The following MUC7 variants were observed in gnomAD, a reference collection of about 807,000 sequenced individuals.
MUC7 encodes mucin 7, secreted.
In MUC7, 2 loss-of-function variants were observed where a neutral mutation model predicts 2.5. That is an observed-to-expected ratio of 0.81 (90% CI 0.33 to 2.55). The LOEUF is 2.55. Ranked by LOEUF, MUC7 falls within the 30% of genes most tolerant of loss-of-function variation. MUC7 has a pLI of 0.11. For missense variants in MUC7, 408 were observed against 455.6 expected, an observed-to-expected ratio of 0.90 and a Z score of 0.95; for synonymous variants, 133 against 173.4, an observed-to-expected ratio of 0.77 and a Z score of 1.83.
chr4:70,446,762 G>A (rs1734151195), intron 1 of MUC7, among the ~76,000 whole-genome samples: 1 of 152,128 alleles, frequency 6.6e-6, no homozygotes, highest in African/African-American at 2.4e-5. Flanking sequence ...CCAAATAACA[G>A]TTACTGCTGA....
intron 1 of MUC7, among the ~76,000 whole-genome samples, chr4:70,465,154 G>T (rs1454756403): frequency 6.6e-6 from 1 of 152,236 alleles, no homozygotes; most frequent in African/African-American, 2.4e-5. Context: ...CTAGGGCAGA[G>T]GGGCCTGACT....
Position 70,480,912 on chromosome 4 carries a change from G to A in MUC7, c.168G>A (p.Lys56=), listed in dbSNP as rs201063415. ...PHYPGLLAHQ[K]PFIRKSYKCL... is the part of the protein sequence containing the mutation. ...ATCCTGGACTGCTAGCTCACCAGAA[G>A]CCGTTCATTAGAAAGTCCTATAAAT... Residue 56 remains lysine, a synonymous_variant, in exon 3 of 3, where the codon AAG becomes AAA. Coordinates refer to ENST00000304887, the MANE Select transcript of MUC7 (RefSeq NM_152291.3). 1.2e-6 allele frequency: 2 copies of A among 1,614,150 alleles called. No individual in the cohort carries two copies. Among genetic ancestry groups the A allele is most frequent in the East Asian group, 4.5e-5 (2 of 44,854 alleles).
At chr4:70,467,541 G>T (rs569834052), upstream of MUC7, among the ~76,000 whole-genome samples, 18 of 151,754 alleles carry the variant, frequency 1.2e-4, no homozygotes, top group East Asian at 3.5e-3. Flanking sequence ...AAAGAGAGAA[G>T]AATCAAATAG....
chr4:70,451,965 T>A (rs1189398950), intron 1 of MUC7, among the ~76,000 whole-genome samples: 1 of 152,240 alleles, frequency 6.6e-6, no homozygotes, highest in African/African-American at 2.4e-5. Flanking sequence ...CATGTATATT[T>A]ACAATTGCTA....
At chr4:70,454,446 G>A (rs1441462482) in intron 1 of MUC7, among the ~76,000 whole-genome samples, 4 of 152,172 alleles carry the variant, frequency 2.6e-5, no homozygotes. Flanking sequence ...TGAGTCCAAT[G>A]AACAGTCCCA....
intron 1 of MUC7, among the ~76,000 whole-genome samples, chr4:70,453,214 G>A (rs1203279649): frequency 2.6e-5 from 4 of 152,178 alleles, no homozygotes; most frequent in Non-Finnish European, 5.9e-5. Context: ...TTCCTTTCAG[G>A]ACAGCCAGTT....
In MUC7 at chr4:70,481,963, C is replaced by A. The variant is rs1735212120; in HGVS notation, c.*85C>A. 1 of 1,430,644 alleles carries A rather than the reference C, an allele frequency of 7.0e-7. No homozygotes were observed. Among genetic ancestry groups the A allele is most frequent in the Non-Finnish European group, 9.5e-7 (1 of 1,057,504 alleles). 88.6% of individuals were successfully genotyped at this position (1,430,644 alleles called of 1,614,324 possible). On this transcript the variant is annotated 3_prime_UTR_variant, in exon 3 of 3. Transcript: ENST00000304887. ...TACCACCTTTCTTTTAGCACCAATC[C>A]CAACATGAAATTATATTACTCAGAT...
chr4:70,467,100 G>A (rs1177170267), intron 1 of MUC7, among the ~76,000 whole-genome samples: 1 of 152,298 alleles, frequency 6.6e-6, no homozygotes, highest in African/African-American at 2.4e-5. Flanking sequence ...TCAGGATTAA[G>A]AAACTCACTC....
At position 70,482,068 on chromosome 4, in the gene MUC7, A is replaced by C; in HGVS notation, c.*190A>C. ...TAACAAGACAAAATGCCTCTATCCC[A>C]CAAGCCAGATGCAGGTCTGGGGTTC... is the stretch of plus-strand genomic sequence containing the variant. On this transcript the variant is annotated 3_prime_UTR_variant, in exon 3 of 3. Coordinates refer to ENST00000304887, the MANE Select transcript of MUC7 (RefSeq NM_152291.3). 1.4e-6 allele frequency: 1 copy of C among 703,484 alleles called. No homozygotes were observed. Among genetic ancestry groups the C allele is most frequent in the Non-Finnish European group, 2.3e-6 (1 of 440,480 alleles). 43.6% of individuals were successfully genotyped at this position (703,484 alleles called of 1,614,324 possible).
intron 1 of MUC7, among the ~76,000 whole-genome samples, chr4:70,442,362 AG>A (rs550989528): frequency 8.5e-4 from 129 of 152,316 alleles, no homozygotes; most frequent in African/African-American, 3.0e-3. Flanking sequence ...AAGGTGGCAG[AG>A]TAATAATGAG....
chr4:70,458,047 A>C (rs1157203873), intron 1 of MUC7, among the ~76,000 whole-genome samples: 2 of 152,132 alleles, frequency 1.3e-5, no homozygotes, highest in Admixed American at 1.3e-4. Context: ...AAAAGTAGCG[A>C]TTAATCTCTC....
In MUC7 at chr4:70,481,543, A is replaced by G. The variant is rs1347603213; in HGVS notation, c.799A>G (p.Thr267Ala). 4 of 1,608,504 alleles carry G rather than the reference A, an allele frequency of 2.5e-6. No individual in the cohort carries two copies. Among genetic ancestry groups the G allele is most frequent in the Middle Eastern group, 1.7e-4 (1 of 6,042 alleles). ...AGCTGTCCCACCCACACCTTCTGCA[A>G]CTACCCTAGACCCATCATCCGCCTC... ...TTAVPPTPSA[T>A]TLDPSSASAP... is the part of the protein sequence containing the mutation. Residue 267 changes from threonine (T) to alanine (A), a missense_variant, in exon 3 of 3, where the codon ACT (threonine) becomes GCT (alanine). Thr to Ala is a moderately conservative substitution (Grantham distance 58). Coordinates refer to ENST00000304887, the MANE Select transcript of MUC7 (RefSeq NM_152291.3).
chr4:70,444,793 T>C (rs1174015941), intron 1 of MUC7, among the ~76,000 whole-genome samples: 1 of 152,146 alleles, frequency 6.6e-6, no homozygotes, highest in African/African-American at 2.4e-5. Flanking sequence ...GGCTCACACC[T>C]GTAATCCCAG....
chr4:70,451,159 G>C (rs183754315), intron 1 of MUC7, among the ~76,000 whole-genome samples: 23 of 152,308 alleles, frequency 1.5e-4, no homozygotes, highest in African/African-American at 5.3e-4. Flanking sequence ...GGCTAGGGCT[G>C]GTTTAAATGC....
intron 1 of MUC7, among the ~76,000 whole-genome samples, chr4:70,432,337 T>C (rs1285073009): frequency 6.6e-6 from 1 of 152,260 alleles, no homozygotes; most frequent in African/African-American, 2.4e-5. Context: ...TCTTCTATAA[T>C]GGTTGAACTA....
intron 1 of MUC7, among the ~76,000 whole-genome samples, chr4:70,456,001 C>T (rs1445183842): frequency 1.3e-5 from 2 of 152,170 alleles, no homozygotes; most frequent in Non-Finnish European, 2.9e-5. Context: ...TGTGAGACCT[C>T]TTCAGGCTGG....
At chr4:70,434,307 C>G (rs1360540373) in intron 1 of MUC7, among the ~76,000 whole-genome samples, 2 of 152,176 alleles carry the variant, frequency 1.3e-5, no homozygotes, top group Non-Finnish European at 2.9e-5. Flanking sequence ...ACCAGCTCCT[C>G]TTTATACCTC....
At chr4:70,439,351 A>G (rs1733944276) in intron 1 of MUC7, among the ~76,000 whole-genome samples, 1 of 152,160 alleles carries the variant, frequency 6.6e-6, no homozygotes, top group Non-Finnish European at 1.5e-5. Flanking sequence ...GGTGGCAAAA[A>G]GTCTGGATTT....
chr4:70,466,870 G>A lies in MUC7; in HGVS notation c.-92-5345G>A, dbSNP rs1469376033. Among the ~76,000 whole-genome samples, 3 of 152,166 alleles carry A rather than the reference G, an allele frequency of 2.0e-5. No individual in the cohort carries two copies. The East Asian group carries it at 5.8e-4, about 29-fold the overall frequency. ...TCAACAGAGACAGAAAATTAACAAG[G>A]ATATTCAGGACTTGAACTCAACTCT... On this transcript the variant is annotated intron_variant, in intron 1 of 3. Coordinates refer to the MUC7 transcript ENST00000413702.
Sources: allele counts gnomAD v4.1 joint callset (sites outside exome capture counted in the v4.1 genomes callset), GRCh38; gene constraint gnomAD v4.1.1; transcripts MANE v1.5; gene names NCBI Gene and HGNC (gene_info 2026-07-23, HGNC 2026-07-21).